ARHGAP23: variants seen among roughly 807,000 people sequenced by gnomAD.
ARHGAP23 encodes the protein rho GTPase-activating protein 23.
Under a neutral mutation model 136.3 loss-of-function variants are expected in ARHGAP23, and 34 were observed. The observed-to-expected ratio is 0.25, with a 90% CI of 0.19 to 0.33. The LOEUF (loss-of-function observed/expected upper bound fraction) is 0.33. Ranked by LOEUF, ARHGAP23 falls within the 10% of genes least tolerant of loss-of-function variation. ARHGAP23 has a pLI of 1.00. For missense variants in ARHGAP23, 1,808 were observed against 2,139.0 expected (o/e 0.85, Z 3.05); for synonymous variants, 832 against 920.5 (o/e 0.90, Z 1.74).
intron 11 of ARHGAP23, among the ~76,000 whole-genome samples, chr17:38,474,757 T>TC (rs1555589441): frequency 1.3e-5 from 2 of 151,412 alleles, no homozygotes; most frequent in African/African-American, 4.9e-5. Flanking sequence ...TTGAGAGAAG[T>TC]GGGGGGGCCG....
At chr17:38,464,290 C>G (rs1046676592) in intron 6 of ARHGAP23, among the ~76,000 whole-genome samples, 1 of 150,874 alleles carries the variant, frequency 6.6e-6, no homozygotes, top group African/African-American at 2.4e-5. Context: ...GCATACCCTT[C>G]CACACACACA....
intron 7 of ARHGAP23, among the ~76,000 whole-genome samples, chr17:38,467,596 C>T (rs2039642281): frequency 1.3e-5 from 2 of 151,914 alleles, no homozygotes; most frequent in Admixed American, 1.3e-4. Context: ...TTTCTTTTTT[C>T]CCTCTCCCCA....
chr17:38,435,781 A>G (rs1367697530), intron 1 of ARHGAP23, among the ~76,000 whole-genome samples: 1 of 152,088 alleles, frequency 6.6e-6, no homozygotes, highest in Non-Finnish European at 1.5e-5. Flanking sequence ...TTGTATTTTT[A>G]GTAGAGATGG....
Position 38,463,314 on chromosome 17 carries a change from G to T in ARHGAP23, c.429-14G>T. The T allele has an allele frequency of 6.4e-7, 1 of 1,551,646 alleles. No homozygotes were observed. The highest frequency in any genetic ancestry group is 8.7e-7 in the Non-Finnish European group (1 of 1,146,966). ...GTTCCTTGACCCAGCCTGACGTTCT[G>T]CCTGTCTCTGTAGTGATGACACTCT... On this transcript the variant is annotated splice_polypyrimidine_tract_variant and intron_variant, in intron 5 of 23. Transcript: ENST00000622683.
intron 1 of ARHGAP23, chr17:38,457,859 A>G (rs984708766): frequency 2.1e-5 from 12 of 580,128 alleles, no homozygotes; most frequent in Non-Finnish European, 3.6e-5. Flanking sequence ...TATTTTCCCA[A>G]GGGCAAAGAC....
intron 10 of ARHGAP23, among the ~76,000 whole-genome samples, chr17:38,470,251 C>T (rs1284320512): frequency 2.6e-5 from 4 of 152,148 alleles, no homozygotes; most frequent in African/African-American, 4.8e-5. Flanking sequence ...CGCCTCCCTT[C>T]GCTACTCTAT....
At chr17:38,509,321 C>T (rs1014961005) in intron 23 of ARHGAP23, among the ~76,000 whole-genome samples, 16 of 151,922 alleles carry the variant, frequency 1.1e-4, no homozygotes, top group African/African-American at 3.4e-4. Flanking sequence ...CAGCCACTTG[C>T]AGGGGCGGAG....
intron 1 of ARHGAP23, among the ~76,000 whole-genome samples, chr17:38,419,825 C>T (rs188698774): frequency 3.3e-5 from 5 of 152,150 alleles, no homozygotes; most frequent in Admixed American, 3.3e-4. Context: ...ACTACTGGTT[C>T]GTTGACCCCC....
intron 20 of ARHGAP23, among the ~76,000 whole-genome samples, chr17:38,496,406 C>G (rs2040394280): frequency 6.6e-6 from 1 of 151,874 alleles, no homozygotes; most frequent in Admixed American, 6.6e-5. Flanking sequence ...CCCAGGAGTT[C>G]AAGGGTACAG....
At chr17:38,427,784 G>A (rs2144469521), upstream of ARHGAP23, among the ~76,000 whole-genome samples, 1 of 152,310 alleles carries the variant, frequency 6.6e-6, no homozygotes, top group Non-Finnish European at 1.5e-5. Flanking sequence ...CCTCCTCTCT[G>A]GGATCCTGGG....
upstream of ARHGAP23, among the ~76,000 whole-genome samples, chr17:38,427,814 G>A (rs529050050): frequency 2.0e-5 from 3 of 152,276 alleles, no homozygotes; most frequent in East Asian, 3.9e-4. Context: ...TGGCTGGGAG[G>A]GGCTTACCCT....
At chr17:38,470,197 T>G (rs2039716902) in intron 10 of ARHGAP23, among the ~76,000 whole-genome samples, 1 of 152,224 alleles carries the variant, frequency 6.6e-6, no homozygotes, top group African/African-American at 2.4e-5. Context: ...TTCGCGGCTT[T>G]TTAGGTCTTC....
intron 23 of ARHGAP23, among the ~76,000 whole-genome samples, chr17:38,508,090 T>C (rs140994744): frequency 6.6e-6 from 1 of 152,262 alleles, no homozygotes; most frequent in Non-Finnish European, 1.5e-5. Context: ...TTATGTGCCA[T>C]GCAGAAACAA....
chr17:38,426,021 G>A, upstream of ARHGAP23, among the ~76,000 whole-genome samples: 1 of 152,002 alleles, frequency 6.6e-6, no homozygotes, highest in East Asian at 1.9e-4. Context: ...AGGGCATCAG[G>A]CTCTGGAAAA....
intron 17 of ARHGAP23, among the ~76,000 whole-genome samples, chr17:38,486,536 C>CTTTTT (rs34888986): frequency 1.6e-5 from 2 of 125,842 alleles, no homozygotes. Context: ...ACCACGCTGG[C>CTTTTT]TTTTTTTTTT....
In ARHGAP23 at chr17:38,510,243, C is replaced by G; in HGVS notation, c.3747C>G (p.Gly1249=). 7.3e-7 allele frequency: 1 copy of G among 1,376,100 alleles called. No individual in the cohort carries two copies. The highest frequency in any genetic ancestry group is 9.4e-7 in the Non-Finnish European group (1 of 1,064,262). 85.2% of individuals were successfully genotyped at this position (1,376,100 alleles called of 1,614,324 possible). A position where few individuals can be genotyped will look rare whatever the true frequency, so the allele number is the denominator to read the frequency against. The change falls in exon 24 of 24, where the codon GGC becomes GGG. Residue 1249 remains glycine (G), a synonymous_variant. Coordinates refer to ENST00000622683, the MANE Select transcript of ARHGAP23 (RefSeq NM_001199417.2). This position sits in a 1 kb window ranked among gnomAD's most constrained non-coding sequence, Gnocchi z 4.6. ...PAADTRSIVS[G]YSTLSTMDRS... is the part of the protein sequence containing the mutation. Reference sequence around the variant, plus strand: ...CGGACACGCGCTCCATTGTGTCGGGCTACTCCACCCTGTCCACCATGGACC... The same window carrying G: ...CGGACACGCGCTCCATTGTGTCGGGGTACTCCACCCTGTCCACCATGGACC...
intron 3 of ARHGAP23, among the ~76,000 whole-genome samples, chr17:38,461,885 T>A (rs1291451152): frequency 2.0e-5 from 3 of 152,144 alleles, no homozygotes; most frequent in Admixed American, 2.0e-4. Flanking sequence ...GTGCTGCACA[T>A]GTGTGTGTGA....
At chr17:38,441,765 C>T (rs940717624) in intron 1 of ARHGAP23, among the ~76,000 whole-genome samples, 9 of 152,078 alleles carry the variant, frequency 5.9e-5, no homozygotes, top group Non-Finnish European at 1.3e-4. Context: ...AGGGGGCAGG[C>T]AGGCACTGTA....
intron 12 of ARHGAP23, among the ~76,000 whole-genome samples, chr17:38,478,468 G>A (rs1484414731): frequency 6.6e-6 from 1 of 151,256 alleles, no homozygotes; most frequent in African/African-American, 2.4e-5. Flanking sequence ...AGGCTGGAGT[G>A]CAGTGGCGCG....
Sources: gnomAD v4.1 joint callset for allele counts (sites outside exome capture counted in the v4.1 genomes callset) on GRCh38, gnomAD v4.1.1 for gene constraint, Gnocchi (gnomAD v3.1) non-coding constraint, MANE v1.5 for transcripts, NCBI Gene and HGNC (gene_info 2026-07-23, HGNC 2026-07-21) for gene names.